Variants in MYPN observed in about 807,000 individuals in gnomAD.
MYPN encodes the protein myopalladin.
Under a neutral mutation model 129.4 loss-of-function variants are expected in MYPN, and 63 were observed. The observed-to-expected ratio is 0.49, with a 90% confidence interval of 0.40 to 0.60. The LOEUF (loss-of-function observed/expected upper bound fraction) is 0.60. Ranked by LOEUF, MYPN falls within the 20% of genes least tolerant of loss-of-function variation. The pLI, the probability that MYPN is intolerant of heterozygous loss-of-function variation, is 0.00. For synonymous variants in MYPN, 629 were observed against 600.9 expected, an observed-to-expected ratio of 1.05 and a Z score of -0.68; for missense variants, 1,596 against 1,635.4, an observed-to-expected ratio of 0.98 and a Z score of 0.42.
intron 10 of MYPN, among the ~76,000 whole-genome samples, chr10:68,169,016 AAAAAG>A (rs2043098820): frequency 7.3e-6 from 1 of 136,482 alleles, no homozygotes; most frequent in Admixed American, 7.7e-5. Context: ...AAAAAAAAAA[AAAAAG>A]ACCTGTTTCA....
At position 68,121,896 on chromosome 10, in the gene MYPN, A is replaced by C. The variant is rs199476401; in HGVS notation, c.458A>C (p.Lys153Thr). The change falls in exon 2 of 20, where the codon AAG becomes ACG. Residue 153 changes from lysine (K) to threonine (T), a missense_variant. Coordinates refer to ENST00000358913, the MANE Select transcript of MYPN (RefSeq NM_032578.4). ...ETQSKKVFLN[K>T]AADFIEELSS... ...CAGTCCAAAAAAGTATTTTTAAATA[A>C]GGCTGCCGACTTCATTGAAGAGCTA... 2.5e-6 allele frequency: 4 copies of C among 1,614,238 alleles called. No individual in the cohort carries two copies. The South Asian group carries it at 4.4e-5, about 18-fold the overall frequency.
chr10:68,166,343 C>T lies in MYPN; in HGVS notation c.1650C>T (p.Thr550=), dbSNP rs764740119. The T allele has an allele frequency of 5.6e-6, 9 of 1,613,916 alleles. No individual in the cohort carries two copies. The highest frequency in any genetic ancestry group is 1.6e-4 in the Middle Eastern group (1 of 6,084). ...GGTCTCTTCACTCAGCCAACTCTAC[C>T]ACCAACCTGGCAGCTATTGAGCCAC... ...NNGSLHSANS[T]TNLAAIEPQP... Residue 550 remains threonine (T), a synonymous_variant, in exon 10 of 20, where the codon ACC becomes ACT. Coordinates refer to ENST00000358913, the MANE Select transcript of MYPN (RefSeq NM_032578.4).
At chr10:68,181,011 A>G (rs1366060304) in intron 12 of MYPN, among the ~76,000 whole-genome samples, 1 of 152,200 alleles carries the variant, frequency 6.6e-6, no homozygotes, top group Non-Finnish European at 1.5e-5. Context: ...CTCTAATTCT[A>G]TGCAATTCAT....
chr10:68,162,726 C>G (rs368093224), intron 8 of MYPN, among the ~76,000 whole-genome samples: 2 of 152,064 alleles, frequency 1.3e-5, no homozygotes, highest in African/African-American at 4.8e-5. Context: ...GAGGCTGGGG[C>G]GGGTGGATCA....
rs1307645556 is a variant in MYPN at position 68,199,509 on chromosome 10, A to G, written c.3427A>G (p.Thr1143Ala). Residue 1143 changes from threonine (T) to alanine (A), a missense_variant, in exon 17 of 20, where the codon ACC becomes GCC. Coordinates refer to ENST00000358913, the MANE Select transcript of MYPN (RefSeq NM_032578.4). ...CCCACTCACTCAGCGCGACGCAGGG[A>G]CCTATAAGTGCATCGCTACCAACAA... ...IDPLTQRDAG[T>A]YKCIATNKTG... 6.2e-7 allele frequency: 1 copy of G among 1,614,104 alleles called. No homozygotes were observed. Among genetic ancestry groups the G allele is most frequent in the Admixed American group, 1.7e-5 (1 of 60,008 alleles).
chr10:68,098,710 G>C (rs1326272441), intron 1 of MYPN, among the ~76,000 whole-genome samples: 1 of 152,100 alleles, frequency 6.6e-6, no homozygotes, highest in Non-Finnish European at 1.5e-5. Context: ...CGGTGTGGTG[G>C]CAGGCGCCTG....
Position 68,158,623 on chromosome 10 carries a change from G to A in MYPN, c.1455G>A (p.Gln485=), listed in dbSNP as rs954974822. The A allele has an allele frequency of 6.3e-7, 1 of 1,578,900 alleles. No individual in the cohort carries two copies. The highest frequency in any genetic ancestry group is 2.2e-5 in the East Asian group (1 of 44,626). Residue 485 remains glutamine, a synonymous_variant, in exon 7 of 20, where the codon CAG becomes CAA. Coordinates refer to ENST00000358913, the MANE Select transcript of MYPN (RefSeq NM_032578.4). ...ATTCTCCAGATTTTAGGATTTTACA[G>A]AAAAGTAAGTTAATACTTTAAATTA... ...IEDSPDFRIL[Q]KKPRSMAEPE...
chr10:68,097,750 T>C (rs909026285), intron 1 of MYPN, among the ~76,000 whole-genome samples: 16 of 147,534 alleles, frequency 1.1e-4, no homozygotes, highest in Admixed American at 1.1e-3. Context: ...TGATTTTCTC[T>C]TTTATCATCT....
At position 68,210,142 on chromosome 10, in the gene MYPN, C is replaced by T. The variant is rs543615237; in HGVS notation, c.3794-144C>T. On this transcript the variant is annotated intron_variant, in intron 19 of 19. Coordinates refer to ENST00000358913, the MANE Select transcript of MYPN (RefSeq NM_032578.4). ...AGGCTTTATTGTTCTCTTCTACAAA[C>T]GAGGCAATTCAGACCCAGGTATAGT... The T allele has an allele frequency of 3.0e-4, 250 of 832,640 alleles. 2 individuals are homozygous for T. In the South Asian group the frequency reaches 4.1e-3, roughly 14 times the overall value. 51.6% of individuals were successfully genotyped at this position (832,640 alleles called of 1,614,324 possible). A position where few individuals can be genotyped will look rare whatever the true frequency, so the allele number is the denominator to read the frequency against.
chr10:68,105,948 C>A (rs2042008457), upstream of MYPN, among the ~76,000 whole-genome samples: 1 of 152,214 alleles, frequency 6.6e-6, no homozygotes, highest in Admixed American at 6.5e-5. Context: ...ACCAGCCCTG[C>A]AGGCTAAGAA....
chr10:68,174,554 G>T lies in MYPN; in HGVS notation c.2462G>T (p.Ser821Ile). 1 of 1,614,098 alleles carries T rather than the reference G, an allele frequency of 6.2e-7. No homozygotes were observed. Among genetic ancestry groups the T allele is most frequent in the East Asian group, 2.2e-5 (1 of 44,876 alleles). Residue 821 changes from serine to isoleucine, a missense_variant, in exon 11 of 20, where the codon AGC (serine) becomes ATC (isoleucine). Ser to Ile is a moderately radical substitution (Grantham distance 142). Transcript: ENST00000358913. ...TCCCCAATTCCTGTCTCTCCTACCA[G>T]CCGGATTCAGAACCCAGTGGCTTTC... ...CVSPIPVSPT[S>I]RIQNPVAFLS...
intron 8 of MYPN, among the ~76,000 whole-genome samples, chr10:68,162,329 A>G (rs2042991400): frequency 1.3e-5 from 2 of 152,220 alleles, no homozygotes; most frequent in South Asian, 2.1e-4. Context: ...TTTTTCCTCC[A>G]TAAATGGCCG....
chr10:68,188,100 T>C (rs1225399288), intron 12 of MYPN, among the ~76,000 whole-genome samples: 30 of 152,164 alleles, frequency 2.0e-4, no homozygotes, highest in Non-Finnish European at 2.9e-5. Flanking sequence ...TTAAGAGAGA[T>C]TTTTTTCTTT....
chr10:68,196,321 G>A (rs2043603621), intron 15 of MYPN, among the ~76,000 whole-genome samples: 1 of 152,090 alleles, frequency 6.6e-6, no homozygotes, highest in Admixed American at 6.6e-5. Context: ...AGAAGAAAGA[G>A]CCTGGCTTTC....
chr10:68,165,960 T>C, intron 9 of MYPN, 142 bp downstream of exon 9: 1 of 844,710 alleles, frequency 1.2e-6, no homozygotes, highest in Non-Finnish European at 2.0e-6. Flanking sequence ...AGGAAAATGT[T>C]CTTGAACAGT....
chr10:68,184,020 C>G (rs2043381435), intron 12 of MYPN, among the ~76,000 whole-genome samples: 1 of 151,946 alleles, frequency 6.6e-6, no homozygotes. Flanking sequence ...AGAACCCTGT[C>G]TCAAAAAGAA....
intron 12 of MYPN, among the ~76,000 whole-genome samples, chr10:68,185,922 G>C (rs1417277244): frequency 6.6e-6 from 1 of 152,154 alleles, no homozygotes; most frequent in Non-Finnish European, 1.5e-5. Flanking sequence ...GGAAAATGTA[G>C]TCATTGTGAA....
Position 68,121,978 on chromosome 10 carries a change from C to G in MYPN, c.540C>G (p.Asn180Lys). 2 of 1,614,212 alleles carry G rather than the reference C, an allele frequency of 1.2e-6. No individual in the cohort carries two copies. The highest frequency in any genetic ancestry group is 1.7e-6 in the Non-Finnish European group (2 of 1,180,026). Residue 180 changes from asparagine (N) to lysine (K), a missense_variant, in exon 2 of 20, where the codon AAC (asparagine) becomes AAG (lysine). Coordinates refer to ENST00000358913, the MANE Select transcript of MYPN (RefSeq NM_032578.4). ...SKRIRPRACK[N>K]HKSKLESQNK... Reference sequence around the variant, plus strand: ...GGATTAGACCTCGTGCCTGCAAAAACCACAAGAGTAAACTGGAATCTCAAA... The same window carrying G: ...GGATTAGACCTCGTGCCTGCAAAAAGCACAAGAGTAAACTGGAATCTCAAA...
chr10:68,174,534 A>T lies in MYPN; in HGVS notation c.2442A>T (p.Pro814=), dbSNP rs765703730. The change falls in exon 11 of 20, where the codon CCA becomes CCT. Residue 814 remains proline, a synonymous_variant. Coordinates refer to ENST00000358913, the MANE Select transcript of MYPN (RefSeq NM_032578.4). The part of the protein sequence containing the change: ...GNQFQPRCVS[P]IPVSPTSRIQ... Reference sequence around the variant, plus strand: ...AGTTTCAGCCCCGCTGTGTGTCCCCAATTCCTGTCTCTCCTACCAGCCGGA... The same window carrying T: ...AGTTTCAGCCCCGCTGTGTGTCCCCTATTCCTGTCTCTCCTACCAGCCGGA... 1 of 1,613,986 alleles carries T rather than the reference A, an allele frequency of 6.2e-7. No individual in the cohort carries two copies. The highest frequency in any genetic ancestry group is 1.3e-5 in the African/African-American group (1 of 75,008).
Sources: gnomAD v4.1 joint callset for allele counts (sites outside exome capture counted in the v4.1 genomes callset) on GRCh38, gnomAD v4.1.1 for gene constraint, MANE v1.5 for transcripts, NCBI Gene and HGNC (gene_info 2026-07-23, HGNC 2026-07-21) for gene names.